Variants in RBMS3 observed in about 807,000 individuals in gnomAD.
RBMS3 encodes RNA binding motif single stranded interacting protein 3.
A neutral mutation model predicts 66.8 loss-of-function variants in RBMS3; 27 were observed. The ratio of observed to expected loss-of-function variants is 0.40; its 90% CI spans 0.30 to 0.56. The LOEUF is 0.56. RBMS3 is among the 20% of genes least tolerant of loss of function. The pLI, the probability that RBMS3 is intolerant of heterozygous loss-of-function variation, is 0.40. For synonymous variants in RBMS3, 188 were observed against 183.0 expected (o/e 1.03, Z -0.22); for missense variants, 513 against 549.5 (o/e 0.93, Z 0.66).
chr3:29,544,739 G>A lies in RBMS3; in HGVS notation c.308-42375G>A, dbSNP rs912666965. On this transcript the variant is annotated intron_variant, in intron 3 of 14. Transcript: ENST00000383767. ...TGTATAGTTGATGATAGCCTTTTATGACAAAAGAATGGTCTGTATTAGTGT... is the reference window on the plus strand; with the variant it reads ...TGTATAGTTGATGATAGCCTTTTATAACAAAAGAATGGTCTGTATTAGTGT... 2.8e-5 allele frequency among the ~76,000 whole-genome samples: 4 copies of A among 141,574 alleles called. No homozygotes were observed. The Admixed American group carries it at 2.8e-4, about 10-fold the overall frequency. 92.9% of individuals were successfully genotyped at this position (141,574 alleles called of 152,430 possible). A position where few individuals can be genotyped will look rare whatever the true frequency, so the allele number is the denominator to read the frequency against.
At chr3:29,374,474 CTG>C (rs2038363824) in intron 1 of RBMS3, among the ~76,000 whole-genome samples, 1 of 152,188 alleles carries the variant, frequency 6.6e-6, no homozygotes, top group Admixed American at 6.5e-5. Flanking sequence ...TTAGTAGAAA[CTG>C]TACTTTGGGT....
chr3:29,940,112 T>C (rs1216427611), intron 11 of RBMS3, among the ~76,000 whole-genome samples: 1 of 151,884 alleles, frequency 6.6e-6, no homozygotes, highest in Non-Finnish European at 1.5e-5. Context: ...ACTGATTTTC[T>C]CTCATAGACA....
chr3:29,465,233 G>T, intron 2 of RBMS3, among the ~76,000 whole-genome samples: 1 of 152,124 alleles, frequency 6.6e-6, no homozygotes, highest in East Asian at 1.9e-4. Context: ...AGCCACAGAA[G>T]AAGTCATGTG....
intron 1 of RBMS3, among the ~76,000 whole-genome samples, chr3:29,415,526 G>A (rs2125692303): frequency 6.6e-6 from 1 of 152,250 alleles, no homozygotes; most frequent in East Asian, 1.9e-4. Flanking sequence ...TATTAACATG[G>A]GGATGAAGTG....
chr3:29,508,934 A>C (rs976231492), intron 3 of RBMS3, among the ~76,000 whole-genome samples: 20 of 150,798 alleles, frequency 1.3e-4, no homozygotes, highest in African/African-American at 4.9e-4. Context: ...TTTGATTTGC[A>C]TTTCTCTAAT....
At chr3:29,595,100 A>G (rs1340257084) in intron 4 of RBMS3, among the ~76,000 whole-genome samples, 1 of 152,150 alleles carries the variant, frequency 6.6e-6, no homozygotes, top group African/African-American at 2.4e-5. Flanking sequence ...AGTTCTTTTC[A>G]ACCTATAAGA....
intron 12 of RBMS3, among the ~76,000 whole-genome samples, chr3:29,987,112 G>A (rs371786167): frequency 1.3e-5 from 2 of 152,118 alleles, no homozygotes; most frequent in East Asian, 3.8e-4. Context: ...TTTGATCTCA[G>A]CAAATTTAGT....
chr3:29,389,521 A>G (rs1310733117), intron 1 of RBMS3, among the ~76,000 whole-genome samples: 1 of 152,196 alleles, frequency 6.6e-6, no homozygotes, highest in Non-Finnish European at 1.5e-5. Context: ...ATCCTTAAAT[A>G]CATTCTGACT....
intron 4 of RBMS3, chr3:29,698,231 A>C: frequency 1.0e-6 from 1 of 985,360 alleles, no homozygotes; most frequent in Non-Finnish European, 1.2e-6. Context: ...GAAAGTTCTG[A>C]GTAATGCACA....
At chr3:29,824,697 T>C (rs1576917686) in intron 6 of RBMS3, among the ~76,000 whole-genome samples, 2 of 152,222 alleles carry the variant, frequency 1.3e-5, no homozygotes, top group Non-Finnish European at 2.9e-5. Flanking sequence ...GTTATATGTG[T>C]ACAAACTTGG....
At chr3:29,791,668 A>G (rs1433071664) in intron 6 of RBMS3, among the ~76,000 whole-genome samples, 5 of 152,164 alleles carry the variant, frequency 3.3e-5, no homozygotes, top group Non-Finnish European at 7.4e-5. Flanking sequence ...ACTCTCCTCT[A>G]TCCCTAAACT....
chr3:29,340,118 AT>A (rs956474556), intron 1 of RBMS3, among the ~76,000 whole-genome samples: 1 of 152,192 alleles, frequency 6.6e-6, no homozygotes, highest in African/African-American at 2.4e-5. Context: ...ATAGGAAGAT[AT>A]TTTGATAGAG....
intron 6 of RBMS3, among the ~76,000 whole-genome samples, chr3:29,801,723 G>A (rs2057397961): frequency 2.0e-5 from 3 of 152,046 alleles, no homozygotes. Context: ...ATGACACACA[G>A]TAAAATATGG....
intron 2 of RBMS3, among the ~76,000 whole-genome samples, chr3:29,458,334 C>T (rs1287646682): frequency 2.6e-5 from 4 of 152,120 alleles, no homozygotes; most frequent in African/African-American, 7.2e-5. Flanking sequence ...TATGTTAATA[C>T]TCAGATGGTT....
chr3:29,607,956 A>T (rs1172326118), intron 4 of RBMS3, among the ~76,000 whole-genome samples: 1 of 151,998 alleles, frequency 6.6e-6, no homozygotes, highest in Non-Finnish European at 1.5e-5. Context: ...TATAGAATTT[A>T]TGAAACATAC....
intron 2 of RBMS3, among the ~76,000 whole-genome samples, chr3:29,450,494 A>G (rs1255946914): frequency 6.6e-6 from 1 of 152,174 alleles, no homozygotes; most frequent in Non-Finnish European, 1.5e-5. Context: ...TTGAATTAGT[A>G]GATTTGTCTT....
chr3:29,385,539 T>A (rs2038973851), intron 1 of RBMS3, among the ~76,000 whole-genome samples: 1 of 152,146 alleles, frequency 6.6e-6, no homozygotes, highest in Non-Finnish European at 1.5e-5. Context: ...CCTTCTTTAT[T>A]GTAGTTTCAG....
At chr3:29,824,784 C>A (rs1184949866) in intron 6 of RBMS3, among the ~76,000 whole-genome samples, 1 of 152,078 alleles carries the variant, frequency 6.6e-6, no homozygotes, top group Middle Eastern at 3.2e-3. Flanking sequence ...GAAAAAAGCA[C>A]ACTAATTTAA....
intron 3 of RBMS3, among the ~76,000 whole-genome samples, chr3:29,491,566 C>A (rs1481189240): frequency 6.6e-6 from 1 of 151,888 alleles, no homozygotes; most frequent in Non-Finnish European, 1.5e-5. Flanking sequence ...GAATACTGGT[C>A]TCACCAATAA....
Sources: allele counts gnomAD v4.1 joint callset (sites outside exome capture counted in the v4.1 genomes callset), GRCh38; gene constraint gnomAD v4.1.1; transcripts MANE v1.5; gene names NCBI Gene and HGNC (gene_info 2026-07-23, HGNC 2026-07-21).